Variants in PPP3CC observed in about 807,000 individuals in gnomAD.
The protein encoded by PPP3CC is protein phosphatase 3 catalytic subunit gamma.
A neutral mutation model predicts 60.3 loss-of-function variants in PPP3CC; 35 were observed. The observed-to-expected ratio is 0.58, with a 90% confidence interval of 0.44 to 0.77. The LOEUF (loss-of-function observed/expected upper bound fraction) is 0.77, where lower values mean the gene tolerates loss of function less well. PPP3CC is among the 30% of genes least tolerant of loss of function. The pLI is 0.00. For missense variants in PPP3CC, 570 were observed against 628.9 expected (o/e 0.91, Z 1.00); for synonymous variants, 206 against 224.3 (o/e 0.92, Z 0.73).
intron 1 of PPP3CC, among the ~76,000 whole-genome samples, chr8:22,462,670 A>G (rs766076608): frequency 6.6e-6 from 1 of 150,564 alleles, no homozygotes; most frequent in Non-Finnish European, 1.5e-5. Context: ...TCCTGAGTTC[A>G]CACCATTCTC....
chr8:22,528,544 G>A lies in PPP3CC; in HGVS notation c.1108G>A (p.Asp370Asn), dbSNP rs777498246. Residue 370 changes from aspartate (D) to asparagine (N), a missense_variant, in exon 10 of 14, where the codon GAT (aspartate) becomes AAT (asparagine). By Grantham distance (23) the Asp-to-Asn change is conservative (BLOSUM62 1). Transcript: ENST00000240139. Reference protein sequence around the residue: ...MLVNVLNICSDDELISDDEAE... With the variant: ...MLVNVLNICSNDELISDDEAE... Reference sequence around the variant, plus strand: ...GGTAAATGTGCTCAACATATGCTCTGATGACGAACTGATTTCTGATGATGA... The same window carrying A: ...GGTAAATGTGCTCAACATATGCTCTAATGACGAACTGATTTCTGATGATGA... 3.2e-6 allele frequency: 5 copies of A among 1,566,010 alleles called. No homozygotes were observed. Among genetic ancestry groups the A allele is most frequent in the East Asian group, 4.5e-5 (2 of 44,018 alleles).
At chr8:22,469,479 C>A (rs77760985) in intron 1 of PPP3CC, among the ~76,000 whole-genome samples, 6,540 of 152,026 alleles carry the variant, frequency 0.043, 483 homozygotes, top group African/African-American at 0.15. Flanking sequence ...GATGAACATC[C>A]TGAAGACCCT....
intron 1 of PPP3CC, 66 bp from the exon 2 acceptor site, chr8:22,474,888 G>T (rs924164228): frequency 1.2e-5 from 13 of 1,089,684 alleles, no homozygotes; most frequent in Non-Finnish European, 1.6e-5. Context: ...TCATGTAAAA[G>T]AATTGTGTTC....
chr8:22,455,773 G>T (rs868728884), intron 1 of PPP3CC, among the ~76,000 whole-genome samples: 2 of 151,536 alleles, frequency 1.3e-5, no homozygotes, highest in East Asian at 1.9e-4. Context: ...TTCTAGGAGG[G>T]CCAGTTTTTA....
At position 22,539,324 on chromosome 8, in the gene PPP3CC, T is replaced by G. The variant is rs1372261682; in HGVS notation, c.1322-145T>G. 2 of 647,870 alleles carry G rather than the reference T, an allele frequency of 3.1e-6. 1 individual carries two copies. Among genetic ancestry groups the G allele is most frequent in the African/African-American group, 3.7e-5 (2 of 54,306 alleles). 40.1% of individuals were successfully genotyped at this position (647,870 alleles called of 1,614,324 possible). A position where few individuals can be genotyped will look rare whatever the true frequency, so the allele number is the denominator to read the frequency against. On this transcript the variant is annotated intron_variant, in intron 12 of 13. Transcript: ENST00000240139. Reference sequence around the variant, plus strand: ...GAGTCTCTCGCAATAATCTTCTCGCTTCTCTAACTAGTTGACTTTCATTAT... The same window carrying G: ...GAGTCTCTCGCAATAATCTTCTCGCGTCTCTAACTAGTTGACTTTCATTAT...
intron 1 of PPP3CC, among the ~76,000 whole-genome samples, chr8:22,451,335 C>G (rs1270530192): frequency 6.6e-6 from 1 of 151,288 alleles, no homozygotes; most frequent in Non-Finnish European, 1.5e-5. Flanking sequence ...GGGGTTTCAC[C>G]ATGTTGGCCA....
chr8:22,475,380 GCAGT>G (rs1837855968), intron 2 of PPP3CC, 116 bp from the exon 3 acceptor site: 1 of 1,184,440 alleles, frequency 8.4e-7, no homozygotes, highest in African/African-American at 1.5e-5. Flanking sequence ...CAGTTTTACA[GCAGT>G]CCTGTCAAAA....
intron 3 of PPP3CC, among the ~76,000 whole-genome samples, chr8:22,486,514 C>G: frequency 6.6e-6 from 1 of 152,170 alleles, no homozygotes; most frequent in East Asian, 1.9e-4. Flanking sequence ...AAGGTTGAAG[C>G]TTTTGGACCC....
intron 1 of PPP3CC, among the ~76,000 whole-genome samples, chr8:22,464,049 A>G (rs1424503439): frequency 6.6e-6 from 1 of 152,032 alleles, no homozygotes; most frequent in African/African-American, 2.4e-5. Flanking sequence ...CGGCCTCCTA[A>G]TATTTTCTTT....
intron 8 of PPP3CC, 71 bp downstream of exon 8, chr8:22,522,820 G>A (rs763037906): frequency 1.8e-5 from 20 of 1,094,642 alleles, no homozygotes; most frequent in South Asian, 4.3e-5. Flanking sequence ...TTGTATGTAC[G>A]TATGTGTGTT....
Position 22,445,277 on chromosome 8 carries a change from C to T in PPP3CC, c.49+3819C>T, listed in dbSNP as rs193094004. Among the ~76,000 whole-genome samples, 177 of 152,190 alleles carry T rather than the reference C, an allele frequency of 1.2e-3. 2 individuals are homozygous for T. Among genetic ancestry groups the T allele is most frequent in the African/African-American group, 1.7e-4 (7 of 41,526 alleles). On this transcript the variant is annotated intron_variant, in intron 1 of 13. Transcript: ENST00000240139. ...TATTTCTACAAATATACCCTAAACC[C>T]GATTTCAATCTCTGGTACCTATACT...
intron 10 of PPP3CC, 141 bp downstream of exon 10, chr8:22,528,718 G>GAGCCT: frequency 1.6e-6 from 1 of 634,142 alleles, no homozygotes; most frequent in East Asian, 3.0e-5. Context: ...TGAAAAATAC[G>GAGCCT]AGAAACCATA....
intron 4 of PPP3CC, among the ~76,000 whole-genome samples, chr8:22,509,048 T>C (rs1839006764): frequency 6.6e-6 from 1 of 152,206 alleles, no homozygotes; most frequent in Admixed American, 6.5e-5. Context: ...GCTCCCTTAA[T>C]GAACTCAAAC....
At chr8:22,501,454 C>G (rs562477603) in intron 4 of PPP3CC, among the ~76,000 whole-genome samples, 9 of 152,316 alleles carry the variant, frequency 5.9e-5, no homozygotes, top group Non-Finnish European at 1.0e-4. Flanking sequence ...TTTCAGTTCT[C>G]ATCTGGGGCT....
chr8:22,534,943 A>T (rs886687818), intron 12 of PPP3CC, among the ~76,000 whole-genome samples: 1 of 152,218 alleles, frequency 6.6e-6, no homozygotes, highest in Admixed American at 6.5e-5. Flanking sequence ...TCAGAATGTC[A>T]CTTCCTCTGG....
Position 22,540,946 on chromosome 8 carries a change from G to T in PPP3CC, c.*144G>T, listed in dbSNP as rs972924824. The T allele has an allele frequency of 9.6e-6, 7 of 729,880 alleles. No individual in the cohort carries two copies. In the African/African-American group the frequency reaches 1.1e-4, roughly 11 times the overall value. The allele number at this position is 729,880 out of a possible 1,614,324, so 45.2% of individuals were successfully genotyped here. A position where few individuals can be genotyped will look rare whatever the true frequency, so the allele number is the denominator to read the frequency against. On this transcript the variant is annotated 3_prime_UTR_variant, in exon 14 of 14. Transcript: ENST00000240139. The stretch of plus-strand genomic sequence containing the variant: ...CAGTCTGCATTTATTCTGTAAAAAG[G>T]TGGCTGTTTTATAAATTCTTTTAAT...
intron 1 of PPP3CC, among the ~76,000 whole-genome samples, chr8:22,447,175 ATT>A (rs1161858120): frequency 5.2e-5 from 6 of 116,282 alleles, no homozygotes; most frequent in Admixed American, 9.5e-5. Flanking sequence ...TGTCCAACTA[ATT>A]TTTTTTTTTT....
intron 1 of PPP3CC, among the ~76,000 whole-genome samples, chr8:22,465,377 C>T (rs541270217): frequency 3.9e-5 from 6 of 152,212 alleles, no homozygotes; most frequent in South Asian, 4.1e-4. Flanking sequence ...CAAACTTTAC[C>T]ATTATGCAGT....
intron 3 of PPP3CC, among the ~76,000 whole-genome samples, chr8:22,477,350 G>A (rs1388223713): frequency 2.0e-5 from 3 of 152,072 alleles, no homozygotes; most frequent in Admixed American, 1.3e-4. Context: ...GGTGGTGGGC[G>A]CCTGTAATCC....
Sources: allele counts gnomAD v4.1 joint callset (sites outside exome capture counted in the v4.1 genomes callset), GRCh38; gene constraint gnomAD v4.1.1; transcripts MANE v1.5; gene names NCBI Gene and HGNC (gene_info 2026-07-23, HGNC 2026-07-21).